The following FUT8 variants were observed in gnomAD, a reference collection of about 807,000 sequenced individuals.
FUT8 encodes the protein alpha-(1,6)-fucosyltransferase.
In FUT8, 29 loss-of-function variants were observed where a neutral mutation model predicts 71.3. The observed-to-expected ratio is 0.41, with a 90% CI of 0.30 to 0.55. The LOEUF is 0.55. Among genes scored for constraint, FUT8 ranks in the 20% least tolerant of loss-of-function variants. The pLI is 0.34. For missense variants in FUT8, 544 were observed against 702.1 expected (o/e 0.77, Z 2.55); for synonymous variants, 254 against 239.3 (o/e 1.06, Z -0.57).
chr14:65,537,682 TG>T (rs1313642585), intron 2 of FUT8, among the ~76,000 whole-genome samples: 2 of 152,188 alleles, frequency 1.3e-5, no homozygotes, highest in Non-Finnish European at 2.9e-5. Flanking sequence ...CCACTGCACC[TG>T]GCCGAGTTGT....
intron 6 of FUT8, among the ~76,000 whole-genome samples, chr14:65,645,618 ATAATT>A (rs1206051580): frequency 1.3e-4 from 20 of 152,334 alleles, no homozygotes; most frequent in African/African-American, 4.8e-4. Context: ...AGGATTTCAG[ATAATT>A]TTATTTTATG....
At chr14:65,370,719 A>G in the FUT8 span, among the ~76,000 whole-genome samples, 2 of 151,996 alleles carry the variant, frequency 1.3e-5, no homozygotes, top group Non-Finnish European at 2.9e-5. Context: ...CTATTCTCCT[A>G]GGGTCTCCAG....
At chr14:65,730,265 G>C (rs917248390) in intron 9 of FUT8, among the ~76,000 whole-genome samples, 3 of 152,188 alleles carry the variant, frequency 2.0e-5, no homozygotes, top group African/African-American at 7.2e-5. Context: ...TCTATTTTCT[G>C]TGTTGCTCAT....
chr14:65,530,513 C>A (rs1443711576), intron 2 of FUT8, among the ~76,000 whole-genome samples: 1 of 151,978 alleles, frequency 6.6e-6, no homozygotes, highest in African/African-American at 2.4e-5. Flanking sequence ...TATGTCTCAC[C>A]CATTTCAAAG....
At chr14:65,677,151 T>TGTGTGTGCGTGCGC in intron 7 of FUT8, among the ~76,000 whole-genome samples, 3 of 110,744 alleles carry the variant, frequency 2.7e-5, no homozygotes, top group South Asian at 6.0e-4. Context: ...TGTGTGTGTG[T>TGTGTGTGCGTGCGC]GCGCGCGCGC....
chr14:65,535,422 G>A (rs1218977189), intron 2 of FUT8, among the ~76,000 whole-genome samples: 2 of 152,080 alleles, frequency 1.3e-5, no homozygotes, highest in Non-Finnish European at 2.9e-5. Context: ...TTTGATGAGA[G>A]TGTTTAGTGC....
intron 3 of FUT8, among the ~76,000 whole-genome samples, chr14:65,604,223 G>C (rs1888452586): frequency 6.6e-6 from 1 of 151,772 alleles, no homozygotes; most frequent in Admixed American, 6.6e-5. Flanking sequence ...AGAAACAATG[G>C]ATTTAAACTC....
the FUT8 span, among the ~76,000 whole-genome samples, chr14:65,392,285 G>A: frequency 2.0e-5 from 3 of 152,226 alleles, no homozygotes; most frequent in South Asian, 2.1e-4. Flanking sequence ...CTTAAAAGAA[G>A]GACTTCTAGA....
chr14:65,407,528 C>T (rs561501628), upstream of FUT8, among the ~76,000 whole-genome samples: 2 of 152,264 alleles, frequency 1.3e-5, no homozygotes, highest in East Asian at 3.9e-4. Context: ...GTCTTGAACT[C>T]CTGGCCTCAA....
At chr14:65,430,493 C>G (rs928570694) in intron 1 of FUT8, among the ~76,000 whole-genome samples, 1 of 152,022 alleles carries the variant, frequency 6.6e-6, no homozygotes, top group Non-Finnish European at 1.5e-5. Flanking sequence ...TATTAAAGAT[C>G]ATCGTTCATA....
chr14:65,604,707 C>T (rs751437733), intron 3 of FUT8, among the ~76,000 whole-genome samples: 2 of 151,806 alleles, frequency 1.3e-5, no homozygotes, highest in African/African-American at 2.4e-5. Context: ...GAAACAAGAA[C>T]AAGAACAAAC....
chr14:65,597,196 CTTA>C (rs1566842388), intron 3 of FUT8, among the ~76,000 whole-genome samples: 1 of 95,004 alleles, frequency 1.1e-5, no homozygotes, highest in Non-Finnish European at 2.4e-5. Flanking sequence ...CGGTAAGACT[CTTA>C]CTAAAGTCTG....
intron 2 of FUT8, among the ~76,000 whole-genome samples, chr14:65,556,779 G>A (rs10131727): frequency 0.075 from 11,389 of 152,216 alleles, 495 homozygotes; most frequent in Admixed American, 0.12. Context: ...ATGTAACAAC[G>A]TCAATATATA....
rs1889893359 is a variant in FUT8 at position 65,626,305 on chromosome 14, T to A, written c.483-3187T>A. The stretch of plus-strand genomic sequence containing the variant: ...AGCTTTAGAGAAGGTCTTTTGATAC[T>A]TTGTCTCAGAGATGTCAAAATAATT... On this transcript the variant is annotated intron_variant, in intron 5 of 10. Transcript: ENST00000673929. Among the ~76,000 whole-genome samples the A allele has an allele frequency of 2.0e-5, 3 of 152,140 alleles. No homozygotes were observed. In the South Asian group the frequency reaches 6.2e-4, roughly 32 times the overall value.
chr14:65,440,795 T>G (rs946084031), intron 1 of FUT8, among the ~76,000 whole-genome samples: 87 of 152,176 alleles, frequency 5.7e-4, no homozygotes, highest in African/African-American at 2.1e-3. Flanking sequence ...AGAATTTTAT[T>G]TGGGTCCATG....
rs377043064 is a variant in FUT8 at position 65,743,898 on chromosome 14, C to G, written c.*1488C>G. 8 of 151,814 alleles carry G rather than the reference C, an allele frequency of 5.3e-5. No homozygotes were observed. Among genetic ancestry groups the G allele is most frequent in the South Asian group, 2.1e-4 (1 of 4,824 alleles). 9.4% of individuals were successfully genotyped at this position (151,814 alleles called of 1,614,324 possible). A position where few individuals can be genotyped will look rare whatever the true frequency, so the allele number is the denominator to read the frequency against. On this transcript the variant is annotated 3_prime_UTR_variant, in exon 11 of 11. Coordinates refer to ENST00000673929, the MANE Select transcript of FUT8 (RefSeq NM_001371533.1). ...ATGTCATCTCTGTAGGAGCGACTAT[C>G]AGGCCTAGTGTGAAATATTAGGGAT... is the stretch of plus-strand genomic sequence containing the variant.
chr14:65,566,227 A>T (rs974141177), intron 3 of FUT8, among the ~76,000 whole-genome samples: 2 of 151,936 alleles, frequency 1.3e-5, no homozygotes, highest in Non-Finnish European at 1.5e-5. Flanking sequence ...TAGTGTTCCA[A>T]GAGGAAAATA....
At chr14:65,463,521 C>T (rs2065998098) in intron 2 of FUT8, among the ~76,000 whole-genome samples, 1 of 152,164 alleles carries the variant, frequency 6.6e-6, no homozygotes, top group Non-Finnish European at 1.5e-5. Context: ...CCCACCTCAG[C>T]CTCCCAAAGT....
At chr14:65,738,703 A>G (rs548369418) in intron 10 of FUT8, among the ~76,000 whole-genome samples, 2 of 152,208 alleles carry the variant, frequency 1.3e-5, no homozygotes, top group Non-Finnish European at 2.9e-5. Context: ...GTAAGGAAAG[A>G]AGAGAGGAAG....
Sources: gnomAD v4.1 joint callset for allele counts (sites outside exome capture counted in the v4.1 genomes callset) on GRCh38, gnomAD v4.1.1 for gene constraint, MANE v1.5 for transcripts, NCBI Gene and HGNC (gene_info 2026-07-23, HGNC 2026-07-21) for gene names.